Variants in RSPH14 observed in about 807,000 individuals in gnomAD.
RSPH14 encodes radial spoke head 14 homolog, also known as rhabdoid tumor deletion region gene 1.
In RSPH14, 20 loss-of-function variants were observed where a neutral mutation model predicts 26.7. That is an observed-to-expected ratio of 0.75 (90% confidence interval 0.53 to 1.09). The LOEUF is 1.09. RSPH14 is among the 50% of genes least tolerant of loss of function. The pLI is 0.00. For synonymous variants in RSPH14, 177 were observed against 189.3 expected (o/e 0.93, Z 0.53); for missense variants, 449 against 457.2 (o/e 0.98, Z 0.16).
At chr22:23,157,082 C>T in the RSPH14 span, among the ~76,000 whole-genome samples, 3 of 152,154 alleles carry the variant, frequency 2.0e-5, no homozygotes, top group Non-Finnish European at 1.5e-5. Flanking sequence ...CCTCAGGACC[C>T]CAACAGGACC....
Position 23,111,021 on chromosome 22 carries a change from G to A in RSPH14, c.421+23005C>T, listed in dbSNP as rs533475674. Among the ~76,000 whole-genome samples, 8 of 152,306 alleles carry A rather than the reference G, an allele frequency of 5.3e-5. No homozygotes were observed. The East Asian group carries it at 9.6e-4, about 18-fold the overall frequency. ...AGGGGTGCTGCCTCAGAGCCACTTC[G>A]AATGAGGGGGTAGGATAGCACTGGG... On this transcript the variant is annotated intron_variant, in intron 4 of 6. Transcript: ENST00000216036.
rs528739958 is a variant in RSPH14 at position 23,061,253 on chromosome 22, G to T, written c.790+556C>A. On this transcript the variant is annotated intron_variant, in intron 6 of 6. Coordinates refer to ENST00000216036, the MANE Select transcript of RSPH14 (RefSeq NM_014433.3). ...CTTTCAGGGGTCCTGGGAGTGCCAC[G>T]CCCCAGTCTGCCAGGTGTGGAAACA... Among the ~76,000 whole-genome samples the T allele has an allele frequency of 2.0e-5, 3 of 152,286 alleles. No individual in the cohort carries two copies. The East Asian group carries it at 5.8e-4, about 29-fold the overall frequency.
chr22:23,179,183 G>A, the RSPH14 span, among the ~76,000 whole-genome samples: 1 of 152,182 alleles, frequency 6.6e-6, no homozygotes, highest in African/African-American at 2.4e-5. Flanking sequence ...CGCTGGCATT[G>A]GGAGGAGGGC....
Position 23,138,864 on chromosome 22 carries a change from A to G in RSPH14, c.278T>C (p.Ile93Thr). ...VRIKTTEVLHITASHSVGRYA... is the reference protein window; with the variant it reads ...VRIKTTEVLHTTASHSVGRYA... ...CCTGCCCACGCTATGGCTTGCCGTG[A>G]TGTGGAGCACCTCGGTGGTCTTTAT... The change falls in exon 3 of 7, where the codon ATC becomes ACC. Residue 93 changes from isoleucine (I) to threonine (T), a missense_variant. Transcript: ENST00000216036. 1 of 1,551,286 alleles carries G rather than the reference A, an allele frequency of 6.4e-7. No individual in the cohort carries two copies. The highest frequency in any genetic ancestry group is 1.2e-5 in the South Asian group (1 of 84,084).
chr22:23,069,928 C>A (rs1322818884), intron 4 of RSPH14, among the ~76,000 whole-genome samples: 1 of 152,164 alleles, frequency 6.6e-6, no homozygotes, highest in African/African-American at 2.4e-5. Context: ...AGAGGCCGAA[C>A]TGGGTTTGAA....
chr22:23,149,993 C>A, upstream of RSPH14: 1 of 1,240,302 alleles, frequency 8.1e-7, no homozygotes, highest in Non-Finnish European at 1.2e-6. Flanking sequence ...CATCTCCCCT[C>A]ACTGCTTGGC....
intron 4 of RSPH14, among the ~76,000 whole-genome samples, chr22:23,085,048 C>T (rs889793939): frequency 6.6e-6 from 1 of 152,150 alleles, no homozygotes; most frequent in Non-Finnish European, 1.5e-5. Context: ...TCATCTGGAG[C>T]CCCTGAGTTT....
chr22:23,150,166 G>T, the RSPH14 span: 4 of 1,602,468 alleles, frequency 2.5e-6, no homozygotes, highest in South Asian at 4.4e-5. Context: ...TGAGCCTGCA[G>T]GGTGTGGGAT....
At chr22:23,135,211 C>T (rs1052639985) in intron 3 of RSPH14, among the ~76,000 whole-genome samples, 5 of 151,326 alleles carry the variant, frequency 3.3e-5, no homozygotes, top group Non-Finnish European at 5.9e-5. Context: ...CGGTGGCTCA[C>T]GCCTGTAATC....
the RSPH14 span, among the ~76,000 whole-genome samples, chr22:23,176,074 C>G: frequency 1.3e-5 from 2 of 152,254 alleles, no homozygotes; most frequent in East Asian, 3.8e-4. Flanking sequence ...ACTGGCAACA[C>G]TCCACTTTCT....
intron 4 of RSPH14, among the ~76,000 whole-genome samples, chr22:23,079,318 G>A (rs1037610201): frequency 6.6e-5 from 10 of 152,252 alleles, no homozygotes; most frequent in Non-Finnish European, 1.5e-4. Flanking sequence ...GCCATTGGAT[G>A]GGGAGAGGGC....
intron 4 of RSPH14, among the ~76,000 whole-genome samples, chr22:23,108,034 G>A (rs964993277): frequency 1.3e-5 from 2 of 152,310 alleles, no homozygotes; most frequent in East Asian, 1.9e-4. Context: ...CAGAAGTGGC[G>A]GGTCTGGGTG....
chr22:23,160,299 C>T, the RSPH14 span, among the ~76,000 whole-genome samples: 1 of 152,182 alleles, frequency 6.6e-6, no homozygotes, highest in Non-Finnish European at 1.5e-5. Flanking sequence ...AGTTCACCGA[C>T]AGCTCACTAT....
At chr22:23,161,087 AT>A in the RSPH14 span, 33 of 1,461,288 alleles carry the variant, frequency 2.3e-5, no homozygotes, top group South Asian at 4.1e-4. Flanking sequence ...AGGCCTTGCC[AT>A]TTCCTGAACT....
chr22:23,125,199 A>G (rs1417873863), intron 4 of RSPH14, among the ~76,000 whole-genome samples: 4 of 152,144 alleles, frequency 2.6e-5, no homozygotes, highest in Non-Finnish European at 4.4e-5. Flanking sequence ...AACATCACAA[A>G]TAAACATCAC....
At chr22:23,060,402 G>A (rs977547129) in intron 6 of RSPH14, among the ~76,000 whole-genome samples, 3 of 151,888 alleles carry the variant, frequency 2.0e-5, no homozygotes, top group Admixed American at 6.6e-5. Flanking sequence ...CCTGGGAGGC[G>A]GAGCTTGCAG....
chr22:23,158,581 A>T, the RSPH14 span, among the ~76,000 whole-genome samples: 5 of 152,216 alleles, frequency 3.3e-5, no homozygotes. Context: ...AAACCCCGTG[A>T]GGGAGGCGGG....
chr22:23,161,986 GAT>G, the RSPH14 span: 1 of 177,902 alleles, frequency 5.6e-6, no homozygotes, highest in Non-Finnish European at 1.2e-5. Flanking sequence ...GTGTCCCCAG[GAT>G]CCGTCACAGT....
chr22:23,148,552 C>G (rs995044667), upstream of RSPH14, among the ~76,000 whole-genome samples: 1 of 152,206 alleles, frequency 6.6e-6, no homozygotes, highest in East Asian at 1.9e-4. Context: ...CCTGGTTTCA[C>G]AGGTGGCATT....
Sources: gnomAD v4.1 joint callset for allele counts (sites outside exome capture counted in the v4.1 genomes callset) on GRCh38, gnomAD v4.1.1 for gene constraint, MANE v1.5 for transcripts, NCBI Gene and HGNC (gene_info 2026-07-23, HGNC 2026-07-21) for gene names.